Variants in NFATC3 observed in about 807,000 individuals in gnomAD.
The protein encoded by NFATC3 is nuclear factor of activated T-cells, cytoplasmic 3.
In NFATC3, 46 loss-of-function variants were observed where a neutral mutation model predicts 98.6. The ratio of observed to expected loss-of-function variants is 0.47; its 90% CI spans 0.37 to 0.60. The LOEUF (loss-of-function observed/expected upper bound fraction) is 0.60, where lower values mean the gene tolerates loss of function less well. Ranked by LOEUF, NFATC3 falls within the 20% of genes least tolerant of loss-of-function variation. NFATC3 has a pLI of 0.00. For missense variants in NFATC3, 1,256 were observed against 1,295.5 expected (o/e 0.97, Z 0.47); for synonymous variants, 512 against 472.2 (o/e 1.08, Z -1.09).
At chr16:68,164,245 T>A (rs1175529874) in intron 4 of NFATC3, among the ~76,000 whole-genome samples, 1 of 151,988 alleles carries the variant, frequency 6.6e-6, no homozygotes, top group Non-Finnish European at 1.5e-5. Context: ...ACCAAAAAAA[T>A]ACGAAAACCA....
rs138239166 is a variant in NFATC3, at chr16:68,147,994, T to A, written c.1402-9875T>A. On this transcript the variant is annotated intron_variant, in intron 3 of 9. Transcript: ENST00000346183. ...ACTTTTCCAGTTTCCTTTTAGCTAT[T>A]GATTTATTTAGGATTTATTTATTTA... Among the ~76,000 whole-genome samples the A allele has an allele frequency of 3.6e-4, 55 of 152,190 alleles. No individual in the cohort carries two copies. The East Asian group carries it at 0.01, about 29-fold the overall frequency.
intron 3 of NFATC3, among the ~76,000 whole-genome samples, chr16:68,136,617 C>G (rs1248017878): frequency 6.6e-6 from 1 of 152,146 alleles, no homozygotes; most frequent in Non-Finnish European, 1.5e-5. Flanking sequence ...AAGGGCAAAG[C>G]AAGTACAGTC....
chr16:68,103,179 T>C (rs2035464209), intron 1 of NFATC3, among the ~76,000 whole-genome samples: 1 of 150,962 alleles, frequency 6.6e-6, no homozygotes, highest in Non-Finnish European at 1.5e-5. Context: ...TCTTTTTTCT[T>C]CTTTTTTTTT....
chr16:68,196,681 G>T (rs1285264362), intron 9 of NFATC3, among the ~76,000 whole-genome samples: 1 of 151,672 alleles, frequency 6.6e-6, no homozygotes, highest in African/African-American at 2.4e-5. Flanking sequence ...GTGACAGAGT[G>T]AGAGACTCCA....
rs985228642 is a variant in NFATC3, at chr16:68,183,508, T to C, written c.2098+142T>C. 1.3e-4 allele frequency: 111 copies of C among 828,062 alleles called. 4 individuals carry two copies. Among genetic ancestry groups the C allele is most frequent in the South Asian group, 1.1e-3 (56 of 53,010 alleles). The allele number at this position is 828,062 out of a possible 1,614,324, so 51.3% of individuals were successfully genotyped here. The stretch of plus-strand genomic sequence containing the variant: ...CAACAGATGCCCACTCTAAAGTTTT[T>C]GTTGACTTTAAATATTAGATGTGGT... On this transcript the variant is annotated intron_variant, in intron 8 of 9. Coordinates refer to ENST00000346183, the MANE Select transcript of NFATC3 (RefSeq NM_173165.3).
intron 6 of NFATC3, among the ~76,000 whole-genome samples, chr16:68,176,701 A>G (rs8048034): frequency 0.23 from 34,797 of 152,058 alleles, 4,486 homozygotes; most frequent in African/African-American, 0.34. Context: ...TTCATTTACT[A>G]TGCAATAACT....
chr16:68,217,789 G>A (rs889436341), intron 9 of NFATC3: 2 of 1,231,630 alleles, frequency 1.6e-6, no homozygotes, highest in Admixed American at 4.2e-5. Flanking sequence ...GGAGGAAGAA[G>A]GAGGCCAAGC....
intron 8 of NFATC3, among the ~76,000 whole-genome samples, chr16:68,190,556 C>A (rs902845043): frequency 6.6e-6 from 1 of 152,130 alleles, no homozygotes; most frequent in African/African-American, 2.4e-5. Context: ...CAAAGATATT[C>A]ATATTATACA....
In NFATC3 at chr16:68,191,472, G is replaced by T. The variant is rs1567542274; in HGVS notation, c.2803G>T (p.Ala935Ser). ...TTCCCCAGCAGCTTCTCATCCCTTG[G>T]CTAGTTCACCGCTTTCTGGGCCACC... Reference protein sequence around the residue: ...TASPAASHPLASSPLSGPPSP... With the variant: ...TASPAASHPLSSSPLSGPPSP... Residue 935 changes from alanine to serine, a missense_variant, in exon 9 of 10, where the codon GCT (alanine) becomes TCT (serine). Around this residue, in one of 3 missense-constraint regions of NFATC3, gnomAD observed 636 missense variants for 617.3 expected, o/e 1.03. Transcript: ENST00000346183. The T allele has an allele frequency of 6.2e-7, 1 of 1,614,014 alleles. No individual in the cohort carries two copies. The highest frequency in any genetic ancestry group is 8.5e-7 in the Non-Finnish European group (1 of 1,180,004).
chr16:68,162,255 T>A (rs2038929193), intron 4 of NFATC3, among the ~76,000 whole-genome samples: 2 of 152,224 alleles, frequency 1.3e-5, no homozygotes, highest in Non-Finnish European at 2.9e-5. Flanking sequence ...AAACTTTTTT[T>A]AGGTACTGTA....
chr16:68,141,130 G>T (rs541023186), intron 3 of NFATC3, among the ~76,000 whole-genome samples: 2 of 152,156 alleles, frequency 1.3e-5, no homozygotes, highest in Non-Finnish European at 2.9e-5. Context: ...TGCTGCAAAA[G>T]ACATTATCTC....
At chr16:68,109,443 A>G (rs1245251636) in intron 1 of NFATC3, among the ~76,000 whole-genome samples, 7 of 152,192 alleles carry the variant, frequency 4.6e-5, no homozygotes, top group African/African-American at 1.7e-4. Flanking sequence ...CCTGGTCGAT[A>G]AGCTTTTTGA....
intron 3 of NFATC3, among the ~76,000 whole-genome samples, chr16:68,156,858 GA>G (rs2038645478): frequency 6.6e-6 from 1 of 152,086 alleles, no homozygotes; most frequent in Non-Finnish European, 1.5e-5. Context: ...AAAATCGCTT[GA>G]ACCCAGGAGG....
intron 5 of NFATC3, among the ~76,000 whole-genome samples, chr16:68,167,975 G>A (rs7188900): frequency 0.11 from 16,251 of 150,980 alleles, 974 homozygotes; most frequent in South Asian, 0.19. Flanking sequence ...TGGGATTACA[G>A]GCACCCGCCA....
At chr16:68,100,310 C>T (rs969389734) in intron 1 of NFATC3, among the ~76,000 whole-genome samples, 5 of 152,048 alleles carry the variant, frequency 3.3e-5, no homozygotes, top group Non-Finnish European at 7.4e-5. Flanking sequence ...TGGTGGCTCA[C>T]ACCTGTAATC....
intron 2 of NFATC3, 127 bp from the exon 3 acceptor site, chr16:68,126,321 T>TA: frequency 1.3e-6 from 1 of 772,810 alleles, no homozygotes; most frequent in Non-Finnish European, 2.0e-6. Context: ...CTAAATGAAG[T>TA]TTTATTTTGT....
chr16:68,154,811 C>T (rs1374691463), intron 3 of NFATC3, among the ~76,000 whole-genome samples: 2 of 152,166 alleles, frequency 1.3e-5, no homozygotes, highest in East Asian at 1.9e-4. Flanking sequence ...TCAGCCAGGG[C>T]CCTAATCACC....
At chr16:68,098,370 G>A (rs563084458) in intron 1 of NFATC3, among the ~76,000 whole-genome samples, 13 of 143,704 alleles carry the variant, frequency 9.0e-5, no homozygotes, top group Non-Finnish European at 1.9e-4. Flanking sequence ...TGCATATCTC[G>A]GCTCACTGCA....
At position 68,210,310 on chromosome 16, in the gene NFATC3, A is replaced by G. The variant is rs1234557335; in HGVS notation, c.3107-16040A>G. Among the ~76,000 whole-genome samples the G allele has an allele frequency of 8.2e-3, 1,177 of 144,110 alleles. 14 individuals are homozygous for G. Among genetic ancestry groups the G allele is most frequent in the African/African-American group, 0.03 (1,096 of 37,052 alleles). 94.5% of individuals were successfully genotyped at this position (144,110 alleles called of 152,430 possible). ...GAGATTCCTTCTCAAAAAAAAAAAA[A>G]GAAAAAAAAAAAGAATACAAAAAAT... is the stretch of plus-strand genomic sequence containing the variant. On this transcript the variant is annotated intron_variant, in intron 9 of 9. Transcript: ENST00000346183.
Sources: gnomAD v4.1 joint callset for allele counts (sites outside exome capture counted in the v4.1 genomes callset) on GRCh38, gnomAD v4.1.1 for gene constraint, gnomAD v4.1.1 regional missense constraint, MANE v1.5 for transcripts, NCBI Gene and HGNC (gene_info 2026-07-23, HGNC 2026-07-21) for gene names.